The following PTK2 variants were observed in gnomAD, a reference collection of about 807,000 sequenced individuals.
The protein encoded by PTK2 is focal adhesion kinase 1.
PTK2 carries 45 observed loss-of-function variants against 150.1 expected under a neutral mutation model. The observed-to-expected ratio is 0.30, with a 90% CI of 0.24 to 0.38. PTK2 has a LOEUF of 0.38. PTK2 is among the 10% of genes least tolerant of loss of function. The probability of loss-of-function intolerance (pLI) is 1.00; values close to 1 mark genes in which losing one functional copy is unlikely to be tolerated. For missense variants in PTK2, 919 were observed against 1,307.3 expected (o/e 0.70, Z 4.58); for synonymous variants, 432 against 449.2 (o/e 0.96, Z 0.48).
At chr8:140,994,095 T>C (rs773832454) in intron 1 of PTK2, among the ~76,000 whole-genome samples, 14 of 152,210 alleles carry the variant, frequency 9.2e-5, no homozygotes, top group Non-Finnish European at 4.4e-5. Flanking sequence ...AGAAAATGTA[T>C]ATCAGTAAGA....
chr8:140,702,856 A>G (rs1476764908), intron 24 of PTK2, 149 bp from the exon 28 acceptor site: 5 of 915,274 alleles, frequency 5.5e-6, no homozygotes, highest in Non-Finnish European at 8.0e-6. Flanking sequence ...TCCCTTGAAC[A>G]TGTGAATATG....
intron 16 of PTK2, among the ~76,000 whole-genome samples, chr8:140,757,565 T>C (rs191925321): frequency 1.8e-3 from 267 of 152,246 alleles, no homozygotes; most frequent in Non-Finnish European, 3.0e-3. Flanking sequence ...ATAAAAGTAA[T>C]GCTCAGAGCA....
At chr8:140,819,770 A>T (rs1034359182) in intron 8 of PTK2, among the ~76,000 whole-genome samples, 2 of 152,226 alleles carry the variant, frequency 1.3e-5, no homozygotes, top group Non-Finnish European at 2.9e-5. Flanking sequence ...AGATAAAGCA[A>T]CGATGCTTTT....
chr8:140,857,621 C>T (rs1422095292), intron 5 of PTK2, among the ~76,000 whole-genome samples: 2 of 152,096 alleles, frequency 1.3e-5, no homozygotes, highest in Non-Finnish European at 2.9e-5. Flanking sequence ...AAGCTAAGAT[C>T]CTAGTAGAAG....
intron 14 of PTK2, among the ~76,000 whole-genome samples, chr8:140,786,313 C>G (rs2100084926): frequency 6.6e-6 from 1 of 152,174 alleles, no homozygotes; most frequent in South Asian, 2.1e-4. Context: ...CAGAATTTCA[C>G]AAGGATCCAG....
intron 15 of PTK2, among the ~76,000 whole-genome samples, chr8:140,763,183 A>G (rs896123750): frequency 1.6e-4 from 25 of 152,338 alleles, no homozygotes; most frequent in African/African-American, 5.8e-4. Flanking sequence ...CTAGTCAAGA[A>G]GCTCCTGAAA....
intron 16 of PTK2, among the ~76,000 whole-genome samples, chr8:140,753,629 C>T (rs2100064018): frequency 6.6e-6 from 1 of 152,138 alleles, no homozygotes; most frequent in South Asian, 2.1e-4. Context: ...AGGCAGGAGA[C>T]AAACCAAGAA....
intron 29 of PTK2, among the ~76,000 whole-genome samples, chr8:140,672,617 C>T (rs1392029132): frequency 6.6e-6 from 1 of 152,196 alleles, no homozygotes; most frequent in Non-Finnish European, 1.5e-5. Context: ...CTAGTTTGTG[C>T]CAGTGGCTGC....
chr8:141,001,524 C>CG (rs2100200263), upstream of PTK2: 1 of 152,654 alleles, frequency 6.6e-6, no homozygotes, highest in African/African-American at 2.4e-5. Flanking sequence ...GGCGGCCGGA[C>CG]GAGGAAAGCC....
At chr8:140,702,360 C>T (rs888358323) in intron 25 of PTK2, among the ~76,000 whole-genome samples, 2 of 150,710 alleles carry the variant, frequency 1.3e-5, no homozygotes, top group African/African-American at 4.9e-5. Flanking sequence ...GCTGGGACTA[C>T]AGGCACATAC....
At chr8:140,722,653 G>A (rs4563941) in intron 22 of PTK2, among the ~76,000 whole-genome samples, 60,234 of 152,000 alleles carry the variant, frequency 0.4, 13,244 homozygotes, top group Non-Finnish European at 0.51. Context: ...GAGCAAAGAA[G>A]GCCTAGCTGG....
intron 31 of PTK2, chr8:140,660,727 C>T (rs570102744): frequency 2.2e-5 from 9 of 417,654 alleles, no homozygotes; most frequent in East Asian, 7.3e-5. Flanking sequence ...CCATTATGTA[C>T]GCCCCTCCCC....
intron 12 of PTK2, among the ~76,000 whole-genome samples, chr8:140,798,593 G>C (rs2100093082): frequency 6.6e-6 from 1 of 152,126 alleles, no homozygotes; most frequent in African/African-American, 2.4e-5. Flanking sequence ...AATCAACACA[G>C]GAAGATGTTT....
intron 14 of PTK2, among the ~76,000 whole-genome samples, chr8:140,774,244 G>A (rs1410869777): frequency 6.6e-6 from 1 of 152,186 alleles, no homozygotes; most frequent in Admixed American, 6.5e-5. Flanking sequence ...TTGTATGTGT[G>A]GCAATGTGTG....
At chr8:140,794,803 C>T (rs902009113) in intron 12 of PTK2, among the ~76,000 whole-genome samples, 2 of 152,162 alleles carry the variant, frequency 1.3e-5, no homozygotes, top group Non-Finnish European at 2.9e-5. Flanking sequence ...AGTTTCAAAG[C>T]GTCAAATACC....
chr8:140,678,938 A>T (rs956709122), intron 27 of PTK2, among the ~76,000 whole-genome samples: 3 of 149,078 alleles, frequency 2.0e-5, no homozygotes, highest in Non-Finnish European at 3.0e-5. Flanking sequence ...AATTTAAAAA[A>T]TTTTTAAATT....
chr8:140,876,561 G>C (rs2100145638), intron 4 of PTK2, among the ~76,000 whole-genome samples: 1 of 152,010 alleles, frequency 6.6e-6, no homozygotes, highest in Non-Finnish European at 1.5e-5. Context: ...GTATTTGAAG[G>C]CTCATGTCAT....
chr8:140,955,102 G>C (rs1386034290), intron 1 of PTK2, among the ~76,000 whole-genome samples: 1 of 152,152 alleles, frequency 6.6e-6, no homozygotes, highest in East Asian at 1.9e-4. Context: ...CAAATTCAGA[G>C]GAAGATGGCA....
intron 27 of PTK2, 140 bp from the exon 31 acceptor site, chr8:140,675,639 A>G: frequency 1.5e-6 from 1 of 645,996 alleles, no homozygotes; most frequent in South Asian, 2.0e-5. Context: ...AGGGTTCTGC[A>G]TAAGGTCTCA....
Sources: allele counts gnomAD v4.1 joint callset (sites outside exome capture counted in the v4.1 genomes callset), GRCh38; gene constraint gnomAD v4.1.1; transcripts MANE v1.5; gene names NCBI Gene and HGNC (gene_info 2026-07-23, HGNC 2026-07-21).